FOXO1: variants seen among roughly 807,000 people sequenced by gnomAD.
FOXO1 encodes forkhead box O1, also known as forkhead box protein O1.
FOXO1 carries 6 observed loss-of-function variants against 44.1 expected under a neutral mutation model. That is an observed-to-expected ratio of 0.14 (90% confidence interval 0.07 to 0.27). The LOEUF is 0.27. FOXO1 is among the 10% of genes least tolerant of loss of function. FOXO1 has a pLI of 1.00. For missense variants in FOXO1, 737 were observed against 888.8 expected (o/e 0.83, Z 2.17); for synonymous variants, 380 against 362.7 (o/e 1.05, Z -0.54).
intron 1 of FOXO1, among the ~76,000 whole-genome samples, chr13:40,652,784 G>C (rs1459135375): frequency 6.6e-6 from 1 of 152,102 alleles, no homozygotes; most frequent in Non-Finnish European, 1.5e-5. Flanking sequence ...CATTTCCTTT[G>C]ACCTTGCTTC....
intron 1 of FOXO1, among the ~76,000 whole-genome samples, chr13:40,612,775 ATTG>A (rs767966073): frequency 2.0e-5 from 3 of 152,128 alleles, no homozygotes; most frequent in Non-Finnish European, 4.4e-5. Context: ...ATTATTAGTT[ATTG>A]TTGTTAATCT....
At chr13:40,620,732 G>A (rs190838267) in intron 1 of FOXO1, among the ~76,000 whole-genome samples, 1 of 151,960 alleles carries the variant, frequency 6.6e-6, no homozygotes, top group East Asian at 1.9e-4. Context: ...AGTGACAATA[G>A]GGGTAGCATG....
At chr13:40,626,805 G>C (rs1022192479) in intron 1 of FOXO1, among the ~76,000 whole-genome samples, 2 of 152,152 alleles carry the variant, frequency 1.3e-5, no homozygotes, top group Admixed American at 1.3e-4. Flanking sequence ...TAAAGCTAGA[G>C]AACAAACATT....
At chr13:40,616,712 G>A (rs1014801262) in intron 1 of FOXO1, among the ~76,000 whole-genome samples, 3 of 152,178 alleles carry the variant, frequency 2.0e-5, no homozygotes, top group Admixed American at 6.5e-5. Context: ...CTCTGCTTAG[G>A]ACAGAGTTGA....
Position 40,559,835 on chromosome 13 carries a change from C to T in FOXO1, c.1656G>A (p.Met552Ile). The change falls in exon 2 of 3, where the codon ATG (methionine) becomes ATA (isoleucine). Residue 552 changes from methionine to isoleucine, a missense_variant. Physicochemically the swap from Met to Ile is conservative, Grantham distance 10. This residue lies in a region of FOXO1 where 283 missense variants were observed against 278.1 expected (regional missense o/e 1.02). Coordinates refer to ENST00000379561, the MANE Select transcript of FOXO1 (RefSeq NM_002015.4). ...TVSTMPHTSG[M>I]NRLTQVKTPV... is the part of the protein sequence containing the mutation. ...GTGTCTTCACTTGGGTCAGGCGGTT[C>T]ATACCCGAGGTGTGGGGCATGGTGC... 6.2e-7 allele frequency: 1 copy of T among 1,614,054 alleles called. No homozygotes were observed. Among genetic ancestry groups the T allele is most frequent in the Non-Finnish European group, 8.5e-7 (1 of 1,179,976 alleles).
At chr13:40,616,427 AC>A (rs1876426206) in intron 1 of FOXO1, among the ~76,000 whole-genome samples, 1 of 152,198 alleles carries the variant, frequency 6.6e-6, no homozygotes, top group Admixed American at 6.5e-5. Flanking sequence ...TAAAACAGGT[AC>A]TCTGAAAAGT....
chr13:40,663,296 C>T (rs1878094479), intron 1 of FOXO1, among the ~76,000 whole-genome samples: 1 of 152,294 alleles, frequency 6.6e-6, no homozygotes, highest in African/African-American at 2.4e-5. Context: ...GATTTAACAT[C>T]AGAATCTATT....
intron 1 of FOXO1, among the ~76,000 whole-genome samples, chr13:40,659,328 A>AAAAT (rs1877961912): frequency 6.6e-6 from 1 of 150,914 alleles, no homozygotes; most frequent in African/African-American, 2.4e-5. Context: ...AAAAAAAAAA[A>AAAAT]AAAGAAAAGA....
rs575334229 is a variant in FOXO1, at chr13:40,642,611, T to C, written c.630+22972A>G. Among the ~76,000 whole-genome samples the C allele has an allele frequency of 2.0e-5, 3 of 152,318 alleles. No homozygotes were observed. The South Asian group carries it at 6.2e-4, about 32-fold the overall frequency. ...CCTCTAAAGTTTAATTCCAGCCCTC[T>C]GTTCTTCCCTTTAACAGCATAAATA... On this transcript the variant is annotated intron_variant, in intron 1 of 2. Transcript: ENST00000379561.
At chr13:40,564,945 G>GAGTTGGGGAACCCCGACATGGTGT (rs1874205940) in intron 1 of FOXO1, among the ~76,000 whole-genome samples, 1 of 148,512 alleles carries the variant, frequency 6.7e-6, no homozygotes, top group African/African-American at 2.5e-5. Flanking sequence ...ACAGATGGGG[G>GAGTTGGGGAACCCCGACATGGTGT]AGTCGGGGAA....
chr13:40,560,624 T>C lies in FOXO1; in HGVS notation c.867A>G (p.Gly289=). The C allele has an allele frequency of 6.2e-7, 1 of 1,614,190 alleles. No homozygotes were observed. Among genetic ancestry groups the C allele is most frequent in the South Asian group, 1.1e-5 (1 of 91,084 alleles). Residue 289 remains glycine (G), a synonymous_variant, in exon 2 of 3, where the codon GGA becomes GGG. Coordinates refer to ENST00000379561, the MANE Select transcript of FOXO1 (RefSeq NM_002015.4). The surrounding 1 kb of genome is among the most constrained non-coding windows in gnomAD (Gnocchi z 5.1). ...TTGCAGGCCATTTGGAAAACTGTGA[T>C]CCAGGGCTGTCCCCAGCACCCTCCT... ...SGQEGAGDSP[G]SQFSKWPASP...
chr13:40,632,946 C>A, intron 1 of FOXO1, among the ~76,000 whole-genome samples: 1 of 149,534 alleles, frequency 6.7e-6, no homozygotes, highest in African/African-American at 2.5e-5. Context: ...AAAAAAAGGG[C>A]GAAGGATCTG....
intron 1 of FOXO1, among the ~76,000 whole-genome samples, chr13:40,597,913 G>A (rs566155924): frequency 2.2e-4 from 33 of 152,318 alleles, no homozygotes; most frequent in African/African-American, 5.5e-4. Context: ...CCCAGGAGCC[G>A]GCAGGCAGAG....
chr13:40,657,035 G>A (rs956955072), intron 1 of FOXO1, among the ~76,000 whole-genome samples: 1 of 151,962 alleles, frequency 6.6e-6, no homozygotes, highest in East Asian at 1.9e-4. Context: ...GGATTTCACC[G>A]TGTTAGCCAG....
chr13:40,567,923 G>A (rs997060655), intron 1 of FOXO1, among the ~76,000 whole-genome samples: 4 of 151,822 alleles, frequency 2.6e-5, no homozygotes, highest in East Asian at 1.9e-4. Context: ...AGCCGAGATC[G>A]CACCACTGCA....
chr13:40,606,093 A>G (rs1248696602), intron 1 of FOXO1, among the ~76,000 whole-genome samples: 1 of 152,212 alleles, frequency 6.6e-6, no homozygotes, highest in Non-Finnish European at 1.5e-5. Context: ...AGCAAGATAA[A>G]GCAAATGTAA....
intron 1 of FOXO1, among the ~76,000 whole-genome samples, chr13:40,655,828 G>C (rs1053335296): frequency 6.6e-6 from 1 of 151,822 alleles, no homozygotes; most frequent in East Asian, 1.9e-4. Flanking sequence ...ATTTTTAGTA[G>C]AGATGGGATT....
At chr13:40,663,552 CTG>C (rs1485838000) in intron 1 of FOXO1, among the ~76,000 whole-genome samples, 39 of 152,170 alleles carry the variant, frequency 2.6e-4, no homozygotes, top group African/African-American at 8.9e-4. Flanking sequence ...GGCTAATACT[CTG>C]TAACAGCTGA....
intron 1 of FOXO1, among the ~76,000 whole-genome samples, chr13:40,627,269 T>G (rs758154465): frequency 6.6e-6 from 1 of 152,168 alleles, no homozygotes; most frequent in Non-Finnish European, 1.5e-5. Context: ...CAAACCCAGA[T>G]AGATCACATT....
Sources: allele counts gnomAD v4.1 joint callset (sites outside exome capture counted in the v4.1 genomes callset), GRCh38; gene constraint gnomAD v4.1.1; regional missense constraint gnomAD v4.1.1; non-coding constraint Gnocchi (gnomAD v3.1); transcripts MANE v1.5; gene names NCBI Gene and HGNC (gene_info 2026-07-23, HGNC 2026-07-21).